Variants in PUS7L observed in about 807,000 individuals in gnomAD.
The protein encoded by PUS7L is pseudouridylate synthase PUS7L.
PUS7L carries 49 observed loss-of-function variants against 51.1 expected under a neutral mutation model. That is an observed-to-expected ratio of 0.96 (90% confidence interval 0.76 to 1.22). PUS7L has a LOEUF of 1.22. PUS7L is among the 50% of genes most tolerant of loss of function. The pLI is 0.00. For synonymous variants in PUS7L, 277 were observed against 276.2 expected (o/e 1.00, Z -0.03); for missense variants, 828 against 820.6 (o/e 1.01, Z -0.11).
Position 43,730,435 on chromosome 12 carries a change from G to T in PUS7L, c.2047C>A (p.Leu683Ile). Reference sequence around the variant, plus strand: ...ACGGTAGCATAGCATGAAGCATCAAGATCAAAAGAGATCAAAAGAGACAAA... The same window carrying T: ...ACGGTAGCATAGCATGAAGCATCAATATCAAAAGAGATCAAAAGAGACAAA... ...TALSLLISFDLDASCYATVCL... is the reference protein window; with the variant it reads ...TALSLLISFDIDASCYATVCL... The change falls in exon 9 of 9, where the codon CTT (leucine) becomes ATT (isoleucine). Residue 683 changes from leucine (L) to isoleucine (I), a missense_variant. Transcript: ENST00000344862. The T allele has an allele frequency of 6.2e-7, 1 of 1,613,670 alleles. No homozygotes were observed. Among genetic ancestry groups the T allele is most frequent in the Non-Finnish European group, 8.5e-7 (1 of 1,179,770 alleles).
At position 43,726,679 on chromosome 12, in the gene PUS7L, T is replaced by C. The variant is rs1248843834; in HGVS notation, c.*3697A>G. The C allele has an allele frequency of 6.6e-6, 1 of 152,028 alleles. No individual in the cohort carries two copies. The highest frequency in any genetic ancestry group is 1.5e-5 in the Non-Finnish European group (1 of 68,054). 9.4% of individuals were successfully genotyped at this position (152,028 alleles called of 1,614,324 possible). ...CCCGTCTCTAATAAAAATACAAAAA[T>C]TAGCCAGGTGTGGTGGTGGCCACTT... On this transcript the variant is annotated 3_prime_UTR_variant, in exon 9 of 9. Coordinates refer to ENST00000344862, the MANE Select transcript of PUS7L (RefSeq NM_031292.5).
At position 43,730,419 on chromosome 12, in the gene PUS7L, T is replaced by C. The variant is rs1328516996; in HGVS notation, c.2063A>G (p.Tyr688Cys). ...LISFDLDASCYATVCLKEIMK... is the reference protein window; with the variant it reads ...LISFDLDASCCATVCLKEIMK... ...TATTTCCTTCAGACAAACGGTAGCA[T>C]AGCATGAAGCATCAAGATCAAAAGA... Residue 688 changes from tyrosine to cysteine, a missense_variant, in exon 9 of 9, where the codon TAT (tyrosine) becomes TGT (cysteine). Tyr to Cys is a radical substitution (Grantham distance 194). Coordinates refer to ENST00000344862, the MANE Select transcript of PUS7L (RefSeq NM_031292.5). 1.2e-6 allele frequency: 2 copies of C among 1,613,774 alleles called. No individual in the cohort carries two copies. The highest frequency in any genetic ancestry group is 1.1e-5 in the South Asian group (1 of 91,072).
chr12:43,731,814 C>T (rs1436570204), intron 7 of PUS7L, 56 bp from the exon 8 acceptor site: 3 of 1,071,012 alleles, frequency 2.8e-6, no homozygotes, highest in Non-Finnish European at 4.3e-6. Flanking sequence ...AAATTTCCAC[C>T]ACTTTCAATT....
At position 43,754,484 on chromosome 12, in the gene PUS7L, T is replaced by G. The variant is rs1490476289; in HGVS notation, c.762A>C (p.Gly254=). The G allele has an allele frequency of 6.2e-7, 1 of 1,613,966 alleles. No homozygotes were observed. Among genetic ancestry groups the G allele is most frequent in the Non-Finnish European group, 8.5e-7 (1 of 1,179,876 alleles). The change falls in exon 2 of 9, where the codon GGA becomes GGC. Residue 254 remains glycine (G), a synonymous_variant. Coordinates refer to ENST00000344862, the MANE Select transcript of PUS7L (RefSeq NM_031292.5). ...AAAAAGATTTGGTTTCCACAAGGTTTCCAAACTTTTTGTTGACAAAATGGT... is the reference window on the plus strand; with the variant it reads ...AAAAAGATTTGGTTTCCACAAGGTTGCCAAACTTTTTGTTGACAAAATGGT... ...AVHHFVNKKF[G]NLVETKSFSK... is the part of the protein sequence containing the mutation.
At chr12:43,738,780 A>C (rs961436639) in intron 5 of PUS7L, 1 of 260,336 alleles carries the variant, frequency 3.8e-6, no homozygotes, top group Non-Finnish European at 7.8e-6. Context: ...AAAGCAAAAA[A>C]ATTAGCAAGT....
intron 7 of PUS7L, among the ~76,000 whole-genome samples, chr12:43,732,443 T>C (rs1592158001): frequency 1.3e-5 from 2 of 151,666 alleles, no homozygotes; most frequent in East Asian, 1.9e-4. Flanking sequence ...CAAGACTCTG[T>C]CTTTAAAATA....
intron 7 of PUS7L, among the ~76,000 whole-genome samples, chr12:43,732,716 G>T (rs1312157998): frequency 6.6e-6 from 1 of 152,172 alleles, no homozygotes; most frequent in Non-Finnish European, 1.5e-5. Context: ...AGTGTCTAGA[G>T]CCCCTCTAAA....
intron 2 of PUS7L, among the ~76,000 whole-genome samples, chr12:43,753,636 T>C (rs1231176627): frequency 1.3e-5 from 2 of 152,154 alleles, no homozygotes; most frequent in Non-Finnish European, 2.9e-5. Context: ...GCTGGACTTT[T>C]ACAGTGAGAG....
chr12:43,747,608 C>T (rs967589384), intron 3 of PUS7L, among the ~76,000 whole-genome samples: 1 of 151,788 alleles, frequency 6.6e-6, no homozygotes, highest in African/African-American at 2.4e-5. Flanking sequence ...GCAGGAGAAT[C>T]GCTTGAACTT....
At chr12:43,732,287 AT>A (rs758518079) in intron 7 of PUS7L, among the ~76,000 whole-genome samples, 10 of 151,470 alleles carry the variant, frequency 6.6e-5, no homozygotes, top group African/African-American at 1.9e-4. Flanking sequence ...ATAAAAAAAA[AT>A]TTTTTTTTAT....
At chr12:43,743,087 C>T (rs552892337) in intron 4 of PUS7L, among the ~76,000 whole-genome samples, 2 of 152,300 alleles carry the variant, frequency 1.3e-5, no homozygotes, top group East Asian at 1.9e-4. Flanking sequence ...AGTACTCTAC[C>T]GGTCCAGCTA....
chr12:43,752,575 A>G (rs1938506268), intron 2 of PUS7L, among the ~76,000 whole-genome samples: 1 of 152,222 alleles, frequency 6.6e-6, no homozygotes, highest in African/African-American at 2.4e-5. Context: ...AAATTCTAAC[A>G]CATGCTACAA....
intron 2 of PUS7L, among the ~76,000 whole-genome samples, 184 bp downstream of exon 2, chr12:43,754,152 T>C (rs1592183737): frequency 1.3e-5 from 2 of 152,298 alleles, no homozygotes; most frequent in East Asian, 3.9e-4. Flanking sequence ...TATCATCTTC[T>C]AGTAAGTAAC....
At chr12:43,737,950 T>G (rs761813801) in intron 6 of PUS7L, 1 of 193,206 alleles carries the variant, frequency 5.2e-6, no homozygotes, top group Non-Finnish European at 1.1e-5. Context: ...TGGAATATCA[T>G]AAATGAACTT....
intron 4 of PUS7L, 131 bp from the exon 5 acceptor site, chr12:43,742,686 A>C: frequency 3.1e-6 from 4 of 1,271,398 alleles, no homozygotes; most frequent in Non-Finnish European, 4.0e-6. Flanking sequence ...ACACATAGGG[A>C]CCAAATGGTC....
chr12:43,735,821 G>C (rs1944673276), intron 7 of PUS7L, among the ~76,000 whole-genome samples: 1 of 152,058 alleles, frequency 6.6e-6, no homozygotes, highest in South Asian at 2.1e-4. Context: ...CTGTTACCCT[G>C]CCTGGAGCGC....
In PUS7L at chr12:43,754,576, C is replaced by T. The variant is rs750720540; in HGVS notation, c.670G>A (p.Ala224Thr). Residue 224 changes from alanine (A) to threonine (T), a missense_variant, in exon 2 of 9, where the codon GCA (alanine) becomes ACA (threonine). Coordinates refer to ENST00000344862, the MANE Select transcript of PUS7L (RefSeq NM_031292.5). Reference protein sequence around the residue: ...EAFDFFKYLDAKKENSKFTFK... With the variant: ...EAFDFFKYLDTKKENSKFTFK... ...GTAAATTTGGAATTTTCTTTCTTTGCATCCAAATATTTAAAAAAGTCAAAT... is the reference window on the plus strand; with the variant it reads ...GTAAATTTGGAATTTTCTTTCTTTGTATCCAAATATTTAAAAAAGTCAAAT... 1 of 1,609,294 alleles carries T rather than the reference C, an allele frequency of 6.2e-7. No homozygotes were observed. Among genetic ancestry groups the T allele is most frequent in the South Asian group, 1.1e-5 (1 of 90,170 alleles).
At position 43,719,080 on chromosome 12, in the gene PUS7L, T is replaced by C. The variant is rs543524153; in HGVS notation, c.*11296A>G. 68 of 151,954 alleles carry C rather than the reference T, an allele frequency of 4.5e-4. No homozygotes were observed. Among genetic ancestry groups the C allele is most frequent in the African/African-American group, 1.6e-3 (66 of 41,502 alleles). 9.4% of individuals were successfully genotyped at this position (151,954 alleles called of 1,614,324 possible). A position where few individuals can be genotyped will look rare whatever the true frequency, so the allele number is the denominator to read the frequency against. ...TAAAATTTATTGAAAGTGTAAGTAA[T>C]ATTTTTAGAACATATACTCATGTAA... On this transcript the variant is annotated 3_prime_UTR_variant, in exon 9 of 9. Transcript: ENST00000344862.
chr12:43,749,471 C>G (rs551227090), intron 2 of PUS7L, among the ~76,000 whole-genome samples: 2 of 152,250 alleles, frequency 1.3e-5, no homozygotes, highest in Admixed American at 6.5e-5. Context: ...ATTTCAAGAG[C>G]AAACAATCTA....
Sources: gnomAD v4.1 joint callset for allele counts (sites outside exome capture counted in the v4.1 genomes callset) on GRCh38, gnomAD v4.1.1 for gene constraint, MANE v1.5 for transcripts, NCBI Gene and HGNC (gene_info 2026-07-23, HGNC 2026-07-21) for gene names.